Variants in NLRP3 observed in about 807,000 individuals in gnomAD.
NLRP3 encodes NACHT, LRR and PYD domains-containing protein 3.
A neutral mutation model predicts 91.3 loss-of-function variants in NLRP3; 48 were observed. The observed-to-expected ratio is 0.53, with a 90% CI of 0.42 to 0.67. The LOEUF (loss-of-function observed/expected upper bound fraction) is 0.67. Ranked by LOEUF, NLRP3 falls within the 30% of genes least tolerant of loss-of-function variation. The pLI is 0.00. For synonymous variants in NLRP3, 561 were observed against 507.9 expected (o/e 1.10, Z -1.41); for missense variants, 982 against 1,276.9 (o/e 0.77, Z 3.52).
chr1:247,421,675 C>T (rs1662470014), intron 2 of NLRP3, among the ~76,000 whole-genome samples: 1 of 152,194 alleles, frequency 6.6e-6, no homozygotes, highest in Non-Finnish European at 1.5e-5. Context: ...TATTTCTAGC[C>T]ATAACCAGAG....
chr1:247,419,144 TTATATATA>T, intron 2 of NLRP3, 67 bp downstream of exon 2: 1 of 966,850 alleles, frequency 1.0e-6, no homozygotes, highest in Non-Finnish European at 1.4e-6. Context: ...TTTTCCATCT[TTATATATA>T]TATATATATA....
At chr1:247,437,391 C>G (rs1210416605) in intron 7 of NLRP3, among the ~76,000 whole-genome samples, 1 of 152,214 alleles carries the variant, frequency 6.6e-6, no homozygotes, top group African/African-American at 2.4e-5. Flanking sequence ...TAATTAACAA[C>G]CAACCTCTGT....
At chr1:247,419,158 ATATATAT>A in intron 2 of NLRP3, 81 bp downstream of exon 2, 10 of 857,462 alleles carry the variant, frequency 1.2e-5, no homozygotes, top group Admixed American at 5.5e-5. Context: ...ATATATATAT[ATATATAT>A]TTTTTTTTGA....
chr1:247,442,920 CT>C (rs1664325960), intron 7 of NLRP3, among the ~76,000 whole-genome samples: 1 of 151,962 alleles, frequency 6.6e-6, no homozygotes, highest in African/African-American at 2.4e-5. Flanking sequence ...AAGAGCCTGG[CT>C]TTTTCTATTT....
intron 2 of NLRP3, among the ~76,000 whole-genome samples, chr1:247,421,806 G>C (rs1173148614): frequency 6.6e-6 from 1 of 152,120 alleles, no homozygotes; most frequent in Non-Finnish European, 1.5e-5. Flanking sequence ...AAGTTTGTTT[G>C]TTTGTTTCCT....
chr1:247,423,891 T>C lies in NLRP3; in HGVS notation c.442T>C (p.Cys148Arg). 6.2e-7 allele frequency: 1 copy of C among 1,614,016 alleles called. No homozygotes were observed. Among genetic ancestry groups the C allele is most frequent in the East Asian group, 2.2e-5 (1 of 44,864 alleles). The change falls in exon 4 of 10, where the codon TGC becomes CGC. Residue 148 changes from cysteine to arginine, a missense_variant. By Grantham distance (180) the Cys-to-Arg change is radical. This residue lies in a region of NLRP3 where 548 missense variants were observed against 713.7 expected (regional missense o/e 0.77). Transcript: ENST00000336119. ...YRKYVRSRFQ[C>R]IEDRNARLGE... is the part of the protein sequence containing the mutation. ...AAAGTACGTGAGAAGCAGATTCCAG[T>C]GCATTGAAGACAGGAATGCCCGTCT...
chr1:247,423,018 A>T (rs1662576544), intron 2 of NLRP3, among the ~76,000 whole-genome samples: 1 of 152,180 alleles, frequency 6.6e-6, no homozygotes, highest in South Asian at 2.1e-4. Context: ...CATGCTTGGC[A>T]GGTGGACAGC....
intron 2 of NLRP3, among the ~76,000 whole-genome samples, chr1:247,423,011 G>C (rs533718264): frequency 2.0e-4 from 30 of 152,312 alleles, no homozygotes; most frequent in East Asian, 3.9e-4. Context: ...GGGAACACAT[G>C]CTTGGCAGGT....
At chr1:247,421,498 C>T (rs907113839) in intron 2 of NLRP3, among the ~76,000 whole-genome samples, 2 of 152,188 alleles carry the variant, frequency 1.3e-5, no homozygotes, top group African/African-American at 4.8e-5. Context: ...CTTATATACT[C>T]ACATACCCAA....
At chr1:247,446,158 C>T (rs1242446861) in intron 9 of NLRP3, among the ~76,000 whole-genome samples, 1 of 152,192 alleles carries the variant, frequency 6.6e-6, no homozygotes, top group Non-Finnish European at 1.5e-5. Flanking sequence ...AATGTGTCAG[C>T]ACATCCTGTG....
At chr1:247,416,102 T>C (rs1173944171), upstream of NLRP3, 2 of 152,394 alleles carry the variant, frequency 1.3e-5, no homozygotes, top group Non-Finnish European at 2.9e-5. Context: ...CTGATGTAAG[T>C]GGAGACCACA....
At chr1:247,430,761 A>T (rs998799867) in intron 5 of NLRP3, among the ~76,000 whole-genome samples, 1 of 151,016 alleles carries the variant, frequency 6.6e-6, no homozygotes, top group Non-Finnish European at 1.5e-5. Context: ...TCACCTAAAA[A>T]CTATGAAAAT....
At chr1:247,430,829 T>C (rs1663262793) in intron 5 of NLRP3, among the ~76,000 whole-genome samples, 1 of 151,806 alleles carries the variant, frequency 6.6e-6, no homozygotes, top group Admixed American at 6.6e-5. Flanking sequence ...CTGGAGTGTG[T>C]GATCACAGCT....
At chr1:247,421,639 G>A (rs988865797) in intron 2 of NLRP3, among the ~76,000 whole-genome samples, 3 of 152,190 alleles carry the variant, frequency 2.0e-5, no homozygotes, top group East Asian at 3.8e-4. Flanking sequence ...GGTGAGCCTG[G>A]AAGAGATCCT....
chr1:247,418,516 G>T lies in NLRP3; in HGVS notation c.-285G>T, dbSNP rs544212653. Reference sequence around the variant, plus strand: ...ACAGTTTTGCCATGTTGGCCAGGCTGGTCTTGAATTCCTCAGCTCAGGTGA... The same window carrying T: ...ACAGTTTTGCCATGTTGGCCAGGCTTGTCTTGAATTCCTCAGCTCAGGTGA... On this transcript the variant is annotated 5_prime_UTR_variant, in exon 2 of 10. Transcript: ENST00000336119. The T allele has an allele frequency of 2.4e-6, 1 of 424,366 alleles. No homozygotes were observed. The highest frequency in any genetic ancestry group is 2.1e-5 in the South Asian group (1 of 47,024). 26.3% of individuals were successfully genotyped at this position (424,366 alleles called of 1,614,324 possible).
In NLRP3 at chr1:247,436,118, C is replaced by T; in HGVS notation, c.2641C>T (p.Gln881Ter). Residue 881 changes from glutamine (Q) to a stop codon, truncating the protein, a stop_gained, in exon 7 of 10, where the codon CAG becomes TAG. Transcript: ENST00000336119. LOFTEE classifies it high-confidence loss of function. The stretch of plus-strand genomic sequence containing the variant: ...TTTATGTGAAAAAGCCAAGAATCCA[C>T]AGTGTAACCTGCAGAAACTGGGGTA... The part of the protein sequence containing the change: ...AILCEKAKNP[Q>*]CNLQKLGLVN... 4 of 1,614,138 alleles carry T rather than the reference C, an allele frequency of 2.5e-6. No homozygotes were observed. The highest frequency in any genetic ancestry group is 2.2e-5 in the East Asian group (1 of 44,884).
intron 5 of NLRP3, among the ~76,000 whole-genome samples, chr1:247,432,459 T>C (rs933591439): frequency 3.3e-5 from 5 of 152,248 alleles, no homozygotes; most frequent in Non-Finnish European, 7.3e-5. Context: ...AGTATTCCAT[T>C]ATGTATATAG....
chr1:247,423,424 G>C, intron 3 of NLRP3, 75 bp downstream of exon 3: 1 of 1,584,014 alleles, frequency 6.3e-7, no homozygotes, highest in Non-Finnish European at 8.7e-7. Context: ...TGAGCAGCTG[G>C]GTAACTTGGC....
chr1:247,419,057 A>C lies in NLRP3; in HGVS notation c.257A>C (p.Lys86Thr). Residue 86 changes from lysine to threonine, a missense_variant, in exon 2 of 10, where the codon AAA becomes ACA. Coordinates refer to ENST00000336119, the MANE Select transcript of NLRP3 (RefSeq NM_001243133.2). The stretch of plus-strand genomic sequence containing the variant: ...AGGAGAGACCTTTATGAGAAAGCAA[A>C]AAGAGATGAGCCGAAGTGGGGTGAG... The part of the protein sequence containing the change: ...INRRDLYEKA[K>T]RDEPKWGSDN... The C allele has an allele frequency of 6.2e-7, 1 of 1,612,260 alleles. No individual in the cohort carries two copies. Among genetic ancestry groups the C allele is most frequent in the Non-Finnish European group, 8.5e-7 (1 of 1,180,006 alleles).
Sources: gnomAD v4.1 joint callset for allele counts (sites outside exome capture counted in the v4.1 genomes callset) on GRCh38, gnomAD v4.1.1 for gene constraint, gnomAD v4.1.1 regional missense constraint, MANE v1.5 for transcripts, NCBI Gene and HGNC (gene_info 2026-07-23, HGNC 2026-07-21) for gene names.